Variants in ZNF831 observed in about 807,000 individuals in gnomAD.
The protein encoded by ZNF831 is zinc finger protein 831, also known as chromosome 20 open reading frame 174.
Under a neutral mutation model 95.8 loss-of-function variants are expected in ZNF831, and 59 were observed. That is an observed-to-expected ratio of 0.62 (90% CI 0.50 to 0.77). The LOEUF (loss-of-function observed/expected upper bound fraction) is 0.77. Ranked by LOEUF, ZNF831 falls within the 30% of genes least tolerant of loss-of-function variation. ZNF831 has a pLI of 0.00. For missense variants in ZNF831, 2,205 were observed against 2,164.0 expected (o/e 1.02, Z -0.38); for synonymous variants, 961 against 925.5 (o/e 1.04, Z -0.70).
At chr20:59,232,174 C>G (rs184919746) in intron 4 of ZNF831, among the ~76,000 whole-genome samples, 1 of 152,272 alleles carries the variant, frequency 6.6e-6, no homozygotes, top group African/African-American at 2.4e-5. Flanking sequence ...CCTGCTGAAA[C>G]AGGGCTGAAA....
chr20:59,234,124 T>G (rs1389663657), intron 4 of ZNF831, among the ~76,000 whole-genome samples: 1 of 152,290 alleles, frequency 6.6e-6, no homozygotes, highest in South Asian at 2.1e-4. Context: ...TGTTGGCAGG[T>G]GGGGCTTGTC....
At chr20:59,128,629 T>A (rs1053098862) in intron 1 of ZNF831, among the ~76,000 whole-genome samples, 1 of 152,168 alleles carries the variant, frequency 6.6e-6, no homozygotes, top group Admixed American at 6.5e-5. Context: ...GCCTTTATTC[T>A]CCATGAGATG....
chr20:59,164,275 T>C (rs1156580404), intron 1 of ZNF831, among the ~76,000 whole-genome samples, 68 bp downstream of exon 1: 1 of 152,212 alleles, frequency 6.6e-6, no homozygotes, highest in Non-Finnish European at 1.5e-5. Flanking sequence ...TTTTACTCTA[T>C]GTTCTTAATG....
chr20:59,155,783 A>G (rs1980503645), intron 2 of ZNF831, among the ~76,000 whole-genome samples: 1 of 152,188 alleles, frequency 6.6e-6, no homozygotes, highest in Admixed American at 6.5e-5. Flanking sequence ...GAATGGTAAG[A>G]GATGGGTTGG....
At chr20:59,151,160 C>A (rs921862428) in intron 2 of ZNF831, among the ~76,000 whole-genome samples, 2 of 152,008 alleles carry the variant, frequency 1.3e-5, no homozygotes, top group African/African-American at 4.8e-5. Context: ...GATGAAGATG[C>A]GAGGGGGCTA....
Position 59,254,577 on chromosome 20 carries a change from G to A in ZNF831, c.4868G>A (p.Arg1623Gln), listed in dbSNP as rs552093905. The A allele has an allele frequency of 1.7e-5, 28 of 1,613,904 alleles. No individual in the cohort carries two copies. The East Asian group carries it at 2.0e-4, about 12-fold the overall frequency. The change falls in exon 6 of 6, where the codon CGG becomes CAG. Residue 1623 changes from arginine (R) to glutamine (Q), a missense_variant. Coordinates refer to ENST00000371030, the MANE Select transcript of ZNF831 (RefSeq NM_178457.3). This position sits in a 1 kb window ranked among gnomAD's most constrained non-coding sequence, Gnocchi z 4.5. The part of the protein sequence containing the change: ...RKRQVSGLIT[R>Q]KDSVVPSKPE... ...CGTCAGGTATCTGGATTAATCACTC[G>A]GAAAGATTCTGTGGTTCCTTCTAAG...
intron 4 of ZNF831, among the ~76,000 whole-genome samples, chr20:59,218,968 G>A (rs945534740): frequency 3.9e-5 from 6 of 152,036 alleles, no homozygotes; most frequent in Admixed American, 1.3e-4. Context: ...AGCCAAGATC[G>A]CGCTACTACA....
chr20:59,175,273 T>C (rs1396177307), intron 1 of ZNF831, among the ~76,000 whole-genome samples: 1 of 152,134 alleles, frequency 6.6e-6, no homozygotes, highest in Non-Finnish European at 1.5e-5. Flanking sequence ...AACTTGTAGC[T>C]TTATGTCTTC....
chr20:59,214,218 C>T (rs1419514616), intron 4 of ZNF831, among the ~76,000 whole-genome samples: 1 of 152,250 alleles, frequency 6.6e-6, no homozygotes, highest in Non-Finnish European at 1.5e-5. Context: ...CCCTGCTTCA[C>T]TGCATGGTGT....
At chr20:59,141,116 T>C (rs1442854356) in intron 1 of ZNF831, among the ~76,000 whole-genome samples, 1 of 152,232 alleles carries the variant, frequency 6.6e-6, no homozygotes, top group Non-Finnish European at 1.5e-5. Context: ...GCCAGGCTGG[T>C]CTTGAACTCC....
chr20:59,171,808 A>G (rs1981759128), intron 1 of ZNF831, among the ~76,000 whole-genome samples: 2 of 152,210 alleles, frequency 1.3e-5, no homozygotes, highest in Admixed American at 6.5e-5. Flanking sequence ...TGTAGTTCAT[A>G]TCTGTGACTT....
At position 59,192,339 on chromosome 20, in the gene ZNF831, C is replaced by A; in HGVS notation, c.1320C>A (p.Ile440=). 6.2e-7 allele frequency: 1 copy of A among 1,606,612 alleles called. No homozygotes were observed. The highest frequency in any genetic ancestry group is 1.7e-5 in the Admixed American group (1 of 59,188). The change falls in exon 2 of 6, where the codon ATC becomes ATA. Residue 440 remains isoleucine, a synonymous_variant. Transcript: ENST00000371030. This position sits in a 1 kb window ranked among gnomAD's most constrained non-coding sequence, Gnocchi z 5.2. The part of the protein sequence containing the change: ...RKTGLSKQGS[I]DLPTPYTYKD... ...CCGGGCTGTCCAAACAGGGCAGCAT[C>A]GACCTGCCCACGCCCTACACCTACA...
intron 2 of ZNF831, 102 bp from the exon 3 acceptor site, chr20:59,195,767 T>G: frequency 6.6e-7 from 1 of 1,512,906 alleles, no homozygotes; most frequent in Non-Finnish European, 8.8e-7. Context: ...CCGTTTTGAT[T>G]TCTGAAGACA....
At chr20:59,173,769 A>G (rs1981930556) in intron 1 of ZNF831, among the ~76,000 whole-genome samples, 1 of 152,186 alleles carries the variant, frequency 6.6e-6, no homozygotes, top group Admixed American at 6.5e-5. Flanking sequence ...AATTCTGTAG[A>G]CTTCTGTGCC....
rs190281950 is a variant in ZNF831 at position 59,192,737 on chromosome 20, C to T, written c.1718C>T (p.Thr573Ile). The T allele has an allele frequency of 3.7e-6, 6 of 1,610,172 alleles. No individual in the cohort carries two copies. In the African/African-American group the frequency reaches 4.0e-5, roughly 11 times the overall value. The change falls in exon 2 of 6, where the codon ACC (threonine) becomes ATC (isoleucine). Residue 573 changes from threonine to isoleucine, a missense_variant. Transcript: ENST00000371030. This position sits in a 1 kb window ranked among gnomAD's most constrained non-coding sequence, Gnocchi z 5.2. ...GCCGCGGTGGAGGACCTGCCAGGCA[C>T]CCCCATTGGCGATGCCCTGGTGCCC... ...RQAAVEDLPG[T>I]PIGDALVPAE...
chr20:59,148,419 C>T lies in ZNF831; in HGVS notation c.-1281+2045C>T, dbSNP rs187267102. Among the ~76,000 whole-genome samples the T allele has an allele frequency of 7.8e-4, 91 of 117,182 alleles. 9 individuals are homozygous for T. Among genetic ancestry groups the T allele is most frequent in the Non-Finnish European group, 1.5e-3 (78 of 52,916 alleles). The allele number at this position is 117,182 out of a possible 152,430, so 76.9% of individuals were successfully genotyped here. A position where few individuals can be genotyped will look rare whatever the true frequency, so the allele number is the denominator to read the frequency against. On this transcript the variant is annotated intron_variant, in intron 2 of 7. Transcript: ENST00000637017. ...CAGAGCGGCCGGGCGCGGTGGCTCA[C>T]GCCTGTAATCCCAGCACTTTGGGAG... is the stretch of plus-strand genomic sequence containing the variant.
upstream of ZNF831, among the ~76,000 whole-genome samples, chr20:59,162,575 T>C (rs1980940639): frequency 6.6e-6 from 1 of 152,228 alleles, no homozygotes; most frequent in Non-Finnish European, 1.5e-5. Context: ...TTTATTTTTG[T>C]TGACTTTGTT....
intron 1 of ZNF831, among the ~76,000 whole-genome samples, 101 bp downstream of exon 1, chr20:59,164,308 AGT>A: frequency 6.6e-6 from 1 of 152,220 alleles, no homozygotes; most frequent in African/African-American, 2.4e-5. Context: ...TCAAGCACGC[AGT>A]TAAAGGGAAA....
At chr20:59,209,845 C>G (rs972533462) in intron 4 of ZNF831, among the ~76,000 whole-genome samples, 1 of 152,156 alleles carries the variant, frequency 6.6e-6, no homozygotes, top group South Asian at 2.1e-4. Flanking sequence ...TGGACTTCTC[C>G]CTGTGTCACT....
Sources: allele counts gnomAD v4.1 joint callset (sites outside exome capture counted in the v4.1 genomes callset), GRCh38; gene constraint gnomAD v4.1.1; non-coding constraint Gnocchi (gnomAD v3.1); transcripts MANE v1.5; gene names NCBI Gene and HGNC (gene_info 2026-07-23, HGNC 2026-07-21).